ANK2: variants seen among roughly 807,000 people sequenced by gnomAD.
ANK2 encodes the protein ankyrin-2.
Under a neutral mutation model 360.5 loss-of-function variants are expected in ANK2, and 83 were observed. The ratio of observed to expected loss-of-function variants is 0.23; its 90% CI spans 0.19 to 0.28. The LOEUF is 0.28. ANK2 is among the 10% of genes least tolerant of loss of function. The probability of loss-of-function intolerance (pLI) is 1.00; values close to 1 mark genes in which losing one functional copy is unlikely to be tolerated. For missense variants in ANK2, 4,201 were observed against 4,795.7 expected (o/e 0.88, Z 3.66); for synonymous variants, 1,740 against 1,759.5 (o/e 0.99, Z 0.28).
intron 1 of ANK2, among the ~76,000 whole-genome samples, chr4:112,855,102 T>C (rs1357222805): frequency 6.6e-6 from 1 of 152,140 alleles, no homozygotes; most frequent in Non-Finnish European, 1.5e-5. Flanking sequence ...TTAATAGGAG[T>C]ATTTTTTGTT....
intron 1 of ANK2, chr4:112,826,714 A>G: frequency 1.2e-6 from 1 of 824,096 alleles, no homozygotes; most frequent in East Asian, 2.4e-5. Flanking sequence ...ATGCCAGTGA[A>G]CACCATAATA....
At chr4:113,134,853 A>G (rs7697312) in intron 1 of ANK2, among the ~76,000 whole-genome samples, 106,858 of 151,994 alleles carry the variant, frequency 0.7, 37,923 homozygotes, top group African/African-American at 0.76. Flanking sequence ...CATGTAGTTT[A>G]AGTTATCAAA....
rs1360150521 is a variant in ANK2, at chr4:113,365,161, A to G, written c.11011A>G (p.Ile3671Val). Residue 3671 changes from isoleucine (I) to valine (V), a missense_variant, in exon 41 of 46, where the codon ATT becomes GTT. Ile to Val is a conservative substitution (Grantham distance 29). This residue lies in a region of ANK2 where 2,642 missense variants were observed against 2,714.5 expected (regional missense o/e 0.97). Coordinates refer to ENST00000357077, the MANE Select transcript of ANK2 (RefSeq NM_001148.6). Reference protein sequence around the residue: ...SHSYAEIEQTITLDHSEGFSV... With the variant: ...SHSYAEIEQTVTLDHSEGFSV... Reference sequence around the variant, plus strand: ...TAGTTATGCAGAAATTGAACAGACCATTACACTGGATCATAGTGAAGGTCA... The same window carrying G: ...TAGTTATGCAGAAATTGAACAGACCGTTACACTGGATCATAGTGAAGGTCA... 3 of 1,613,352 alleles carry G rather than the reference A, an allele frequency of 1.9e-6. No individual in the cohort carries two copies. In the South Asian group the frequency reaches 3.3e-5, roughly 18 times the overall value.
At position 112,855,733 on chromosome 4, in the gene ANK2, G is replaced by A. The variant is rs2066228995; in HGVS notation, c.-40+37469G>A. 2.0e-5 allele frequency among the ~76,000 whole-genome samples: 3 copies of A among 152,270 alleles called. No individual in the cohort carries two copies. The East Asian group carries it at 5.8e-4, about 29-fold the overall frequency. On this transcript the variant is annotated intron_variant, in intron 1 of 30. Coordinates refer to the ANK2 transcript ENST00000503271. Reference sequence around the variant, plus strand: ...TGACTTATCCAAGGTCTCACATCTGGAGAGTGACAGAGCCAGTGTTCAGAA... The same window carrying A: ...TGACTTATCCAAGGTCTCACATCTGAAGAGTGACAGAGCCAGTGTTCAGAA...
At chr4:113,156,356 A>G (rs1047996589) in intron 1 of ANK2, among the ~76,000 whole-genome samples, 6 of 126,408 alleles carry the variant, frequency 4.7e-5, no homozygotes, top group African/African-American at 1.7e-4. Flanking sequence ...CGTATAGAGT[A>G]TATGTAGAAA....
At chr4:113,321,668 T>G (rs1404881461) in intron 26 of ANK2, among the ~76,000 whole-genome samples, 1 of 152,234 alleles carries the variant, frequency 6.6e-6, no homozygotes, top group East Asian at 1.9e-4. Context: ...TTATTTTTTT[T>G]GAAGAACTTA....
At chr4:112,822,202 A>G (rs1223272636) in intron 1 of ANK2, among the ~76,000 whole-genome samples, 1 of 149,024 alleles carries the variant, frequency 6.7e-6, no homozygotes, top group African/African-American at 2.5e-5. Flanking sequence ...GGAGATTGAG[A>G]CCATCCTGGC....
At chr4:113,020,884 T>C (rs543486051) in intron 2 of ANK2, among the ~76,000 whole-genome samples, 1 of 149,494 alleles carries the variant, frequency 6.7e-6, no homozygotes, top group African/African-American at 2.5e-5. Flanking sequence ...ATTTGAAAAA[T>C]AGAATAGTGT....
rs74659352 is a variant in ANK2 at position 113,350,497 on chromosome 4, T to C, written c.4426+248T>C. 6.9e-3 allele frequency: 2,899 copies of C among 422,628 alleles called. 37 individuals carry two copies. The highest frequency in any genetic ancestry group is 0.033 in the African/African-American group (1,678 of 50,204). 26.2% of individuals were successfully genotyped at this position (422,628 alleles called of 1,614,324 possible). On this transcript the variant is annotated intron_variant, in intron 37 of 45. Coordinates refer to ENST00000357077, the MANE Select transcript of ANK2 (RefSeq NM_001148.6). ...CTAAGCATTCACTTTCTTTTGACAT[T>C]CTTGTTAACCCTGGTATTGCTGTTA...
In ANK2 at chr4:113,336,005, A is replaced by G. The variant is rs762718905; in HGVS notation, c.3539A>G (p.Gln1180Arg). 2.0e-5 allele frequency: 33 copies of G among 1,614,036 alleles called. No individual in the cohort carries two copies. The highest frequency in any genetic ancestry group is 2.5e-5 in the Non-Finnish European group (29 of 1,180,026). ...VLSSTVVPQVQAVFPEGALTK... is the reference protein window; with the variant it reads ...VLSSTVVPQVRAVFPEGALTK... Reference sequence around the variant, plus strand: ...AGCAGCACAGTGGTGCCCCAGGTGCAGGCCGTCTTCCCAGAGGGGGCACTC... The same window carrying G: ...AGCAGCACAGTGGTGCCCCAGGTGCGGGCCGTCTTCCCAGAGGGGGCACTC... Residue 1180 changes from glutamine (Q) to arginine (R), a missense_variant, in exon 30 of 46, where the codon CAG becomes CGG. Around this residue, in one of 4 missense-constraint regions of ANK2, gnomAD observed 1,268 missense variants for 1,650.8 expected, o/e 0.77. Transcript: ENST00000357077.
intron 1 of ANK2, among the ~76,000 whole-genome samples, chr4:112,859,251 A>G (rs1264964861): frequency 1.3e-5 from 2 of 152,236 alleles, no homozygotes; most frequent in Non-Finnish European, 2.9e-5. Flanking sequence ...ACAGGTTTAA[A>G]CGGTCACTTG....
the ANK2 span, among the ~76,000 whole-genome samples, chr4:112,751,568 T>G: frequency 6.7e-6 from 1 of 150,330 alleles, no homozygotes; most frequent in Admixed American, 6.7e-5. Context: ...GAGCTGTGGA[T>G]TGGATTAGGC....
intron 2 of ANK2, among the ~76,000 whole-genome samples, chr4:112,931,034 A>G (rs2154237071): frequency 6.6e-6 from 1 of 152,350 alleles, no homozygotes; most frequent in East Asian, 1.9e-4. Flanking sequence ...AATTTTGGTC[A>G]GAACACAAGG....
intron 1 of ANK2, among the ~76,000 whole-genome samples, chr4:113,065,280 T>C (rs1053312967): frequency 6.6e-6 from 1 of 152,182 alleles, no homozygotes; most frequent in Non-Finnish European, 1.5e-5. Context: ...ATACAGCACC[T>C]CTCAAATTCT....
At chr4:113,075,150 T>G (rs2079382723) in intron 1 of ANK2, among the ~76,000 whole-genome samples, 1 of 152,182 alleles carries the variant, frequency 6.6e-6, no homozygotes, top group Admixed American at 6.5e-5. Context: ...AAGCACTACT[T>G]TAGCATCTCA....
chr4:112,764,443 C>T, the ANK2 span, among the ~76,000 whole-genome samples: 1 of 151,262 alleles, frequency 6.6e-6, no homozygotes, highest in South Asian at 2.1e-4. Context: ...TCAAATGATT[C>T]TCCTGCCTCA....
chr4:113,063,108 A>G lies in ANK2; in HGVS notation c.84+13296A>G, dbSNP rs1017920191. On this transcript the variant is annotated intron_variant, in intron 1 of 45. Transcript: ENST00000357077. ...GTTGAATATGACATTTAGTAAAAAG[A>G]TATCCAGTAGAATATATATTCATAT... Among the ~76,000 whole-genome samples, 12 of 152,184 alleles carry G rather than the reference A, an allele frequency of 7.9e-5. No homozygotes were observed. The South Asian group carries it at 2.1e-3, about 26-fold the overall frequency.
chr4:112,859,598 A>G (rs1158906149), intron 1 of ANK2, among the ~76,000 whole-genome samples: 1 of 152,206 alleles, frequency 6.6e-6, no homozygotes, highest in East Asian at 1.9e-4. Flanking sequence ...TTGCCAGCTT[A>G]TATGGCTAGA....
At chr4:113,088,392 T>C (rs528573126) in intron 1 of ANK2, among the ~76,000 whole-genome samples, 93 of 152,302 alleles carry the variant, frequency 6.1e-4, no homozygotes, top group Middle Eastern at 6.8e-3. Context: ...TACATGTCTA[T>C]GCAAACAAAA....
Sources: allele counts gnomAD v4.1 joint callset (sites outside exome capture counted in the v4.1 genomes callset), GRCh38; gene constraint gnomAD v4.1.1; regional missense constraint gnomAD v4.1.1; transcripts MANE v1.5; gene names NCBI Gene and HGNC (gene_info 2026-07-23, HGNC 2026-07-21).